Variants in C13orf42 observed in about 807,000 individuals in gnomAD.
C13orf42 encodes chromosome 13 open reading frame 42.
intron 1 of C13orf42, among the ~76,000 whole-genome samples, chr13:51,106,418 C>A (rs185477528): frequency 2.6e-4 from 39 of 152,244 alleles, no homozygotes; most frequent in African/African-American, 8.7e-4. Context: ...CTTGCATCTT[C>A]TAGGTTATAC....
chr13:51,132,071 A>T (rs943700223), intron 1 of C13orf42, among the ~76,000 whole-genome samples: 2 of 152,214 alleles, frequency 1.3e-5, no homozygotes, highest in African/African-American at 4.8e-5. Context: ...AAAGCCTTCT[A>T]ATTTAGTTAA....
At chr13:51,162,336 C>T in intron 1 of C13orf42, 1 of 179,432 alleles carries the variant, frequency 5.6e-6, no homozygotes, top group Non-Finnish European at 1.2e-5. Context: ...TTAACAAACC[C>T]CACCCTGCGG....
At chr13:51,155,320 G>C (rs1403096225) in intron 1 of C13orf42, among the ~76,000 whole-genome samples, 1 of 152,186 alleles carries the variant, frequency 6.6e-6, no homozygotes, top group Non-Finnish European at 1.5e-5. Context: ...CTAGGGCTAA[G>C]ATACAAGTAA....
chr13:51,095,532 A>T, intron 1 of C13orf42, among the ~76,000 whole-genome samples: 1 of 149,468 alleles, frequency 6.7e-6, no homozygotes, highest in African/African-American at 2.5e-5. Context: ...TTATTTACTT[A>T]TTTGGTTTTT....
chr13:51,121,786 C>A (rs574209717), intron 1 of C13orf42, among the ~76,000 whole-genome samples: 1 of 152,262 alleles, frequency 6.6e-6, no homozygotes, highest in African/African-American at 2.4e-5. Flanking sequence ...CCACCCGCCT[C>A]GGCCTCCCAA....
chr13:51,110,663 G>A (rs886938686), intron 1 of C13orf42, 133 bp downstream of exon 1: 110 of 396,628 alleles, frequency 2.8e-4, no homozygotes, highest in Non-Finnish European at 4.5e-4. Context: ...TAAAGCATCT[G>A]AGGACTATTG....
intron 1 of C13orf42, among the ~76,000 whole-genome samples, chr13:51,141,713 G>A (rs985982082): frequency 9.2e-5 from 14 of 151,910 alleles, no homozygotes; most frequent in African/African-American, 1.4e-4. Context: ...CAGGAGAATC[G>A]CTTGAACCTG....
At chr13:51,132,779 A>G (rs1463751281) in intron 1 of C13orf42, among the ~76,000 whole-genome samples, 1 of 152,170 alleles carries the variant, frequency 6.6e-6, no homozygotes, top group African/African-American at 2.4e-5. Context: ...CTGCTGGGCC[A>G]CGTTCCCAGG....
chr13:51,115,494 A>G (rs1427402424), upstream of C13orf42, among the ~76,000 whole-genome samples: 1 of 152,126 alleles, frequency 6.6e-6, no homozygotes, highest in East Asian at 1.9e-4. Flanking sequence ...CACACCTCTC[A>G]AGGTCATGGT....
rs994069839 is a variant in C13orf42, at chr13:51,171,877, G to A, written n.136+376C>T. 2.2e-4 allele frequency: 34 copies of A among 152,180 alleles called. No homozygotes were observed. In the East Asian group the frequency reaches 6.2e-3, roughly 28 times the overall value. 9.4% of individuals were successfully genotyped at this position (152,180 alleles called of 1,614,324 possible). A position where few individuals can be genotyped will look rare whatever the true frequency, so the allele number is the denominator to read the frequency against. On this transcript the variant is annotated intron_variant and non_coding_transcript_variant, in intron 1 of 4. Coordinates refer to the C13orf42 transcript ENST00000433280. ...CTAGACCCTAAAAGGTCAAAAGGCCGTCTTATGCTCAATATACATTTTATT... is the reference window on the plus strand; with the variant it reads ...CTAGACCCTAAAAGGTCAAAAGGCCATCTTATGCTCAATATACATTTTATT...
Position 51,166,917 on chromosome 13 carries a change from A to G in C13orf42, n.136+5336T>C, listed in dbSNP as rs113208709. 3.9e-4 allele frequency among the ~76,000 whole-genome samples: 60 copies of G among 152,238 alleles called. 1 individual carries two copies. Among genetic ancestry groups the G allele is most frequent in the African/African-American group, 1.2e-3 (48 of 41,542 alleles). ...AACACAGTGAAACCCTGTCTCTACT[A>G]AAAATATAAAAATTAGCTATGTGTG... is the stretch of plus-strand genomic sequence containing the variant. On this transcript the variant is annotated intron_variant and non_coding_transcript_variant, in intron 1 of 4. Transcript: ENST00000433280.
intron 1 of C13orf42, among the ~76,000 whole-genome samples, chr13:51,138,042 G>A (rs2138027583): frequency 6.6e-6 from 1 of 152,306 alleles, no homozygotes; most frequent in Non-Finnish European, 1.5e-5. Flanking sequence ...CAGCACCCTA[G>A]CACTTCCAGG....
At chr13:51,114,484 A>G (rs1953465997), upstream of C13orf42, among the ~76,000 whole-genome samples, 1 of 152,082 alleles carries the variant, frequency 6.6e-6, no homozygotes, top group Admixed American at 6.6e-5. Flanking sequence ...TTCCACATAT[A>G]GTGAGATCGT....
chr13:51,112,996 A>C (rs1953450069), upstream of C13orf42, among the ~76,000 whole-genome samples: 1 of 152,234 alleles, frequency 6.6e-6, no homozygotes, highest in East Asian at 1.9e-4. Context: ...AGAGGTAGCC[A>C]CAGGCTATGA....
chr13:51,123,306 C>T (rs913671075), intron 1 of C13orf42, among the ~76,000 whole-genome samples: 2 of 152,232 alleles, frequency 1.3e-5, no homozygotes, highest in Admixed American at 1.3e-4. Flanking sequence ...CAGCTGGGGG[C>T]TCTGCTTAGC....
intron 1 of C13orf42, among the ~76,000 whole-genome samples, chr13:51,153,897 T>C (rs910978846): frequency 6.6e-6 from 1 of 151,868 alleles, no homozygotes; most frequent in Non-Finnish European, 1.5e-5. Flanking sequence ...CCTCCCAGAG[T>C]GCTGAGATTA....
intron 1 of C13orf42, among the ~76,000 whole-genome samples, chr13:51,135,062 C>A (rs1423005309): frequency 6.6e-6 from 1 of 152,224 alleles, no homozygotes; most frequent in African/African-American, 2.4e-5. Context: ...CTCACCCAAC[C>A]TCTTGAACCC....
At chr13:51,137,922 G>T (rs982651285) in intron 1 of C13orf42, among the ~76,000 whole-genome samples, 8 of 152,172 alleles carry the variant, frequency 5.3e-5, no homozygotes, top group Non-Finnish European at 7.3e-5. Context: ...ATGTGCCATG[G>T]ATGTGCTTTA....
intron 1 of C13orf42, among the ~76,000 whole-genome samples, chr13:51,141,726 G>A (rs1338334758): frequency 1.3e-5 from 2 of 151,082 alleles, no homozygotes; most frequent in Non-Finnish European, 3.0e-5. Context: ...TGAACCTGGG[G>A]GGCAGAGGTT....
Sources: gnomAD v4.1 joint callset for allele counts (sites outside exome capture counted in the v4.1 genomes callset) on GRCh38, gnomAD v4.1.1 for gene constraint, MANE v1.5 for transcripts, NCBI Gene and HGNC (gene_info 2026-07-23, HGNC 2026-07-21) for gene names.